Variants in OR5D13 observed in about 807,000 individuals in gnomAD.
The protein encoded by OR5D13 is olfactory receptor 5D13.
For missense variants in OR5D13, 470 were observed against 372.1 expected, an observed-to-expected ratio of 1.26 and a Z score of -2.16; for synonymous variants, 192 against 134.3, an observed-to-expected ratio of 1.43 and a Z score of -2.97.
At position 55,773,541 on chromosome 11, in the gene OR5D13, T is replaced by C. The variant is rs1319500770; in HGVS notation, c.104T>C (p.Phe35Ser). The C allele has an allele frequency of 5.6e-6, 9 of 1,613,114 alleles. No individual in the cohort carries two copies. The highest frequency in any genetic ancestry group is 7.6e-6 in the Non-Finnish European group (9 of 1,179,336). Residue 35 changes from phenylalanine to serine, a missense_variant, in exon 1 of 1, where the codon TTC (phenylalanine) becomes TCC (serine). Coordinates refer to ENST00000623930, the MANE Select transcript of OR5D13 (RefSeq NM_001001967.1). ...GTTCCACTCTTTCTGGTTTTCTTGT[T>C]CGTCTACACAGTCACTGTAGTGGGG... ...IQVPLFLVFL[F>S]VYTVTVVGNL...
At position 55,774,376 on chromosome 11, in the gene OR5D13, C is replaced by G. The variant is rs774046963; in HGVS notation, c.939C>G (p.Tyr313Ter). The change falls in exon 1 of 1, where the codon TAC becomes TAG. Residue 313 changes from tyrosine (Y) to a stop codon, truncating the protein, a stop_gained. Transcript: ENST00000623930. LOFTEE classifies it high-confidence loss of function. ...AATTAGTTGTCACCAAATTGATTTA[C>G]CACTGAATATGATGTTCTTAGATAC... is the stretch of plus-strand genomic sequence containing the variant. Reference protein sequence around the residue: ...FEKLVVTKLIYH With the variant: ...FEKLVVTKLI 1 of 1,521,362 alleles carries G rather than the reference C, an allele frequency of 6.6e-7. No homozygotes were observed. Among genetic ancestry groups the G allele is most frequent in the Non-Finnish European group, 8.9e-7 (1 of 1,125,016 alleles). 94.2% of individuals were successfully genotyped at this position (1,521,362 alleles called of 1,614,324 possible). A position where few individuals can be genotyped will look rare whatever the true frequency, so the allele number is the denominator to read the frequency against.
rs747604604 is a variant in OR5D13, at chr11:55,774,269, G to C, written c.832G>C (p.Val278Leu). Residue 278 changes from valine (V) to leucine (L), a missense_variant, in exon 1 of 1, where the codon GTG becomes CTG. Physicochemically the swap from Val to Leu is conservative, Grantham distance 32 (BLOSUM62 1). Transcript: ENST00000623930. ...TSSLIVTVAS[V>L]FYTVAIPMLN... is the part of the protein sequence containing the mutation. ...TAGCCTCATAGTTACAGTGGCTTCT[G>C]TGTTTTACACAGTGGCGATTCCAAT... is the stretch of plus-strand genomic sequence containing the variant. 6.2e-7 allele frequency: 1 copy of C among 1,613,242 alleles called. No homozygotes were observed. Among genetic ancestry groups the C allele is most frequent in the African/African-American group, 1.3e-5 (1 of 74,716 alleles).
chr11:55,773,590 C>G lies in OR5D13; in HGVS notation c.153C>G (p.Ile51Met). ...VVGNLGMIIIIRLNSKLHTIM... is the reference protein window; with the variant it reads ...VVGNLGMIIIMRLNSKLHTIM... ...GGAACTTGGGCATGATAATAATCAT[C>G]AGACTCAATTCAAAACTCCATACAA... Residue 51 changes from isoleucine (I) to methionine (M), a missense_variant, in exon 1 of 1, where the codon ATC (isoleucine) becomes ATG (methionine). Transcript: ENST00000623930. 1.2e-6 allele frequency: 2 copies of G among 1,613,286 alleles called. No homozygotes were observed. The highest frequency in any genetic ancestry group is 1.1e-5 in the South Asian group (1 of 91,066).
rs1337055433 is a variant in OR5D13 at position 55,773,612 on chromosome 11, A to G, written c.175A>G (p.Thr59Ala). ...IIIRLNSKLH[T>A]IMCFFLSHLS... Reference sequence around the variant, plus strand: ...CATCAGACTCAATTCAAAACTCCATACAATCATGTGCTTTTTCCTTAGTCA... The same window carrying G: ...CATCAGACTCAATTCAAAACTCCATGCAATCATGTGCTTTTTCCTTAGTCA... The change falls in exon 1 of 1, where the codon ACA becomes GCA. Residue 59 changes from threonine to alanine, a missense_variant. Transcript: ENST00000623930. 7 of 1,613,102 alleles carry G rather than the reference A, an allele frequency of 4.3e-6. No individual in the cohort carries two copies. The highest frequency in any genetic ancestry group is 2.2e-5 in the South Asian group (2 of 91,052).
At position 55,773,489 on chromosome 11, in the gene OR5D13, G is replaced by A. The variant is rs1203918269; in HGVS notation, c.52G>A (p.Gly18Ser). 2.5e-6 allele frequency: 4 copies of A among 1,612,968 alleles called. No individual in the cohort carries two copies. In the East Asian group the frequency reaches 6.7e-5, roughly 27 times the overall value. The change falls in exon 1 of 1, where the codon GGT becomes AGT. Residue 18 changes from glycine to serine, a missense_variant. Physicochemically the swap from Gly to Ser is moderately conservative, Grantham distance 56. Coordinates refer to ENST00000623930, the MANE Select transcript of OR5D13 (RefSeq NM_001001967.1). ...QSSTPTFILL[G>S]FSEYPEIQVP... ...CAGCACACCCACTTTTATTCTCTTGGGTTTTTCAGAATACCCAGAAATCCA... is the reference window on the plus strand; with the variant it reads ...CAGCACACCCACTTTTATTCTCTTGAGTTTTTCAGAATACCCAGAAATCCA...
Position 55,773,688 on chromosome 11 carries a change from T to C in OR5D13, c.251T>C (p.Leu84Ser). The C allele has an allele frequency of 6.2e-7, 1 of 1,613,856 alleles. No homozygotes were observed. Among genetic ancestry groups the C allele is most frequent in the South Asian group, 1.1e-5 (1 of 91,082 alleles). Residue 84 changes from leucine to serine, a missense_variant, in exon 1 of 1, where the codon TTG (leucine) becomes TCG (serine). Physicochemically the swap from Leu to Ser is moderately radical, Grantham distance 145. Coordinates refer to ENST00000623930, the MANE Select transcript of OR5D13 (RefSeq NM_001001967.1). Reference protein sequence around the residue: ...CFSTVVTPKLLENLVVEYRTI... With the variant: ...CFSTVVTPKLSENLVVEYRTI... The stretch of plus-strand genomic sequence containing the variant: ...TCCACTGTAGTTACACCTAAACTGT[T>C]GGAGAACTTGGTTGTGGAATACAGA...
chr11:55,773,464 C>T lies in OR5D13; in HGVS notation c.27C>T (p.Ser9=), dbSNP rs370814532. The change falls in exon 1 of 1, where the codon AGC becomes AGT. Residue 9 remains serine, a synonymous_variant. Coordinates refer to ENST00000623930, the MANE Select transcript of OR5D13 (RefSeq NM_001001967.1). MMASERNQ[S]STPTFILLGF... is the part of the protein sequence containing the mutation. ...TGATGGCATCTGAAAGAAATCAAAG[C>T]AGCACACCCACTTTTATTCTCTTGG... is the stretch of plus-strand genomic sequence containing the variant. 1 of 1,603,620 alleles carries T rather than the reference C, an allele frequency of 6.2e-7. No individual in the cohort carries two copies. The highest frequency in any genetic ancestry group is 1.1e-5 in the South Asian group (1 of 88,984).
chr11:55,773,699 G>C lies in OR5D13; in HGVS notation c.262G>C (p.Val88Leu). The part of the protein sequence containing the change: ...VVTPKLLENL[V>L]VEYRTISFSG... ...TACACCTAAACTGTTGGAGAACTTGGTTGTGGAATACAGAACCATCTCTTT... is the reference window on the plus strand; with the variant it reads ...TACACCTAAACTGTTGGAGAACTTGCTTGTGGAATACAGAACCATCTCTTT... The change falls in exon 1 of 1, where the codon GTT becomes CTT. Residue 88 changes from valine (V) to leucine (L), a missense_variant. Transcript: ENST00000623930. 1 of 1,613,852 alleles carries C rather than the reference G, an allele frequency of 6.2e-7. No homozygotes were observed. The highest frequency in any genetic ancestry group is 8.5e-7 in the Non-Finnish European group (1 of 1,179,984).
rs202242848 is a variant in OR5D13 at position 55,773,872 on chromosome 11, T to C, written c.435T>C (p.Leu145=). ...TTIMSQKLCA[L]LVAGSYTWGI... ...TTATGTCTCAGAAGCTCTGTGCTCT[T>C]CTGGTGGCTGGGTCCTATACATGGG... The change falls in exon 1 of 1, where the codon CTT becomes CTC. Residue 145 remains leucine, a synonymous_variant. Coordinates refer to ENST00000623930, the MANE Select transcript of OR5D13 (RefSeq NM_001001967.1). 5 of 1,613,772 alleles carry C rather than the reference T, an allele frequency of 3.1e-6. No homozygotes were observed. The highest frequency in any genetic ancestry group is 4.2e-6 in the Non-Finnish European group (5 of 1,179,972).
Position 55,773,672 on chromosome 11 carries a change from G to C in OR5D13, c.235G>C (p.Val79Leu). 1 of 1,613,394 alleles carries C rather than the reference G, an allele frequency of 6.2e-7. No individual in the cohort carries two copies. The highest frequency in any genetic ancestry group is 8.5e-7 in the Non-Finnish European group (1 of 1,179,666). The change falls in exon 1 of 1, where the codon GTT (valine) becomes CTT (leucine). Residue 79 changes from valine to leucine, a missense_variant. Coordinates refer to ENST00000623930, the MANE Select transcript of OR5D13 (RefSeq NM_001001967.1). ...GACAGACTTCTGTTTTTCCACTGTA[G>C]TTACACCTAAACTGTTGGAGAACTT... ...SLTDFCFSTVVTPKLLENLVV... is the reference protein window; with the variant it reads ...SLTDFCFSTVLTPKLLENLVV...
In OR5D13 at chr11:55,774,051, C is replaced by T; in HGVS notation, c.614C>T (p.Ala205Val). ...YISQRLCFII[A>V]IFNEVSSLII... Reference sequence around the variant, plus strand: ...AGCCAGAGGCTATGCTTTATTATTGCCATATTCAATGAGGTGAGCAGCCTA... The same window carrying T: ...AGCCAGAGGCTATGCTTTATTATTGTCATATTCAATGAGGTGAGCAGCCTA... The change falls in exon 1 of 1, where the codon GCC becomes GTC. Residue 205 changes from alanine (A) to valine (V), a missense_variant. Transcript: ENST00000623930. 1 of 1,613,582 alleles carries T rather than the reference C, an allele frequency of 6.2e-7. No individual in the cohort carries two copies. The highest frequency in any genetic ancestry group is 8.5e-7 in the Non-Finnish European group (1 of 1,179,734).
chr11:55,774,248 C>G lies in OR5D13; in HGVS notation c.811C>G (p.Leu271Val). 6.2e-7 allele frequency: 1 copy of G among 1,613,694 alleles called. No homozygotes were observed. The highest frequency in any genetic ancestry group is 8.5e-7 in the Non-Finnish European group (1 of 1,179,892). Residue 271 changes from leucine to valine, a missense_variant, in exon 1 of 1, where the codon CTC becomes GTC. Physicochemically the swap from Leu to Val is conservative, Grantham distance 32. Coordinates refer to ENST00000623930, the MANE Select transcript of OR5D13 (RefSeq NM_001001967.1). Reference protein sequence around the residue: ...YCVPNPKTSSLIVTVASVFYT... With the variant: ...YCVPNPKTSSVIVTVASVFYT... ...TGTTCCTAATCCTAAAACTTCTAGC[C>G]TCATAGTTACAGTGGCTTCTGTGTT...
Position 55,773,975 on chromosome 11 carries a change from ATC to A in OR5D13, c.540_541del (p.Ile180MetfsTer2). ...FCESTFINNF[I>X]CDHSVIVSAS... ...TGAATCTACCTTCATAAATAATTTTATCTGTGACCACTCTGTAATTGTTTCTG... is the reference window on the plus strand; with the variant it reads ...TGAATCTACCTTCATAAATAATTTTATGTGACCACTCTGTAATTGTTTCTG... On this transcript the variant is annotated frameshift_variant, in exon 1 of 1. Transcript: ENST00000623930. LOFTEE classifies it low-confidence loss of function (END_TRUNC). The A allele has an allele frequency of 6.2e-7, 1 of 1,613,540 alleles. No individual in the cohort carries two copies. Among genetic ancestry groups the A allele is most frequent in the Non-Finnish European group, 8.5e-7 (1 of 1,179,826 alleles).
At position 55,774,153 on chromosome 11, in the gene OR5D13, C is replaced by A. The variant is rs1649620611; in HGVS notation, c.716C>A (p.Thr239Asn). 1 of 1,613,542 alleles carries A rather than the reference C, an allele frequency of 6.2e-7. No individual in the cohort carries two copies. The highest frequency in any genetic ancestry group is 8.5e-7 in the Non-Finnish European group (1 of 1,179,898). Reference protein sequence around the residue: ...KMRSASGRQKTFSTCASHLTA... With the variant: ...KMRSASGRQKNFSTCASHLTA... ...CGATCTGCAAGTGGGCGCCAGAAAA[C>A]TTTCTCCACCTGTGCCTCCCACCTG... The change falls in exon 1 of 1, where the codon ACT (threonine) becomes AAT (asparagine). Residue 239 changes from threonine (T) to asparagine (N), a missense_variant. Thr to Asn is a moderately conservative substitution (Grantham distance 65). Coordinates refer to ENST00000623930, the MANE Select transcript of OR5D13 (RefSeq NM_001001967.1).
Position 55,773,959 on chromosome 11 carries a change from C to G in OR5D13, c.522C>G (p.Thr174=), listed in dbSNP as rs138203702. 1.4e-5 allele frequency: 23 copies of G among 1,613,240 alleles called. No individual in the cohort carries two copies. In the African/African-American group the frequency reaches 2.8e-4, roughly 20 times the overall value. The change falls in exon 1 of 1, where the codon ACC becomes ACG. Residue 174 remains threonine, a synonymous_variant. Coordinates refer to ENST00000623930, the MANE Select transcript of OR5D13 (RefSeq NM_001001967.1). ...FLLDLSFCES[T]FINNFICDHS... ...TTGACTTATCGTTTTGTGAATCTAC[C>G]TTCATAAATAATTTTATCTGTGACC... is the stretch of plus-strand genomic sequence containing the variant.
In OR5D13 at chr11:55,774,355, A is replaced by G; in HGVS notation, c.918A>G (p.Leu306=). The change falls in exon 1 of 1, where the codon TTA becomes TTG. Residue 306 remains leucine, a synonymous_variant. Coordinates refer to ENST00000623930, the MANE Select transcript of OR5D13 (RefSeq NM_001001967.1). The part of the protein sequence containing the change: ...NKDINNMFEK[L]VVTKLIYH Reference sequence around the variant, plus strand: ...ATATCAATAACATGTTTGAAAAATTAGTTGTCACCAAATTGATTTACCACT... The same window carrying G: ...ATATCAATAACATGTTTGAAAAATTGGTTGTCACCAAATTGATTTACCACT... 1 of 1,573,780 alleles carries G rather than the reference A, an allele frequency of 6.4e-7. No homozygotes were observed.
rs1441133944 is a variant in OR5D13 at position 55,773,841 on chromosome 11, C to T, written c.404C>T (p.Thr135Ile). 3.7e-6 allele frequency: 6 copies of T among 1,613,874 alleles called. No homozygotes were observed. Among genetic ancestry groups the T allele is most frequent in the Non-Finnish European group, 5.1e-6 (6 of 1,179,974 alleles). Residue 135 changes from threonine to isoleucine, a missense_variant, in exon 1 of 1, where the codon ACC becomes ATC. Transcript: ENST00000623930. ...GCAGTTTGTAAACCCTTGCTGTATA[C>T]CACTATTATGTCTCAGAAGCTCTGT... The part of the protein sequence containing the change: ...FVAVCKPLLY[T>I]TIMSQKLCAL...
chr11:55,773,617 C>T lies in OR5D13; in HGVS notation c.180C>T (p.Ile60=). The change falls in exon 1 of 1, where the codon ATC becomes ATT. Residue 60 remains isoleucine, a synonymous_variant. Coordinates refer to ENST00000623930, the MANE Select transcript of OR5D13 (RefSeq NM_001001967.1). Reference sequence around the variant, plus strand: ...GACTCAATTCAAAACTCCATACAATCATGTGCTTTTTCCTTAGTCACTTGT... The same window carrying T: ...GACTCAATTCAAAACTCCATACAATTATGTGCTTTTTCCTTAGTCACTTGT... ...IIRLNSKLHT[I]MCFFLSHLSL... The T allele has an allele frequency of 1.2e-6, 2 of 1,613,126 alleles. No homozygotes were observed. Among genetic ancestry groups the T allele is most frequent in the South Asian group, 1.1e-5 (1 of 91,056 alleles).
Position 55,774,094 on chromosome 11 carries a change from A to ATATATGC in OR5D13, c.659_665dup (p.Ile223TyrfsTer45), listed in dbSNP as rs1253725543. The ATATATGC allele has an allele frequency of 6.2e-7, 1 of 1,613,834 alleles. No homozygotes were observed. The highest frequency in any genetic ancestry group is 1.1e-5 in the South Asian group (1 of 91,076). On this transcript the variant is annotated frameshift_variant, in exon 1 of 1. Coordinates refer to ENST00000623930, the MANE Select transcript of OR5D13 (RefSeq NM_001001967.1). LOFTEE classifies it low-confidence loss of function (END_TRUNC). ...GCAGCCTAATTATCATTCTGACATCATATATGCTTATTTTCACTACCATTA... is the reference window on the plus strand; with the variant it reads ...GCAGCCTAATTATCATTCTGACATCATATATGCTATATGCTTATTTTCACTACCATTA...
Sources: gnomAD v4.1 joint callset for allele counts on GRCh38, gnomAD v4.1.1 for gene constraint, MANE v1.5 for transcripts, NCBI Gene and HGNC (gene_info 2026-07-23, HGNC 2026-07-21) for gene names.